The following SHOC2 variants were observed in gnomAD, a reference collection of about 807,000 sequenced individuals.
The protein encoded by SHOC2 is leucine-rich repeat protein SHOC-2.
In SHOC2, 4 loss-of-function variants were observed where a neutral mutation model predicts 50.2. The ratio of observed to expected loss-of-function variants is 0.08; its 90% CI spans 0.04 to 0.18. The LOEUF is 0.18. Ranked by LOEUF, SHOC2 falls within the 10% of genes least tolerant of loss-of-function variation. The pLI is 1.00. For missense variants in SHOC2, 388 were observed against 669.6 expected (o/e 0.58, Z 4.64); for synonymous variants, 218 against 244.5 (o/e 0.89, Z 1.01).
At chr10:110,962,945 CTAATT>C (rs1163319381) in intron 1 of SHOC2, among the ~76,000 whole-genome samples, 3 of 152,258 alleles carry the variant, frequency 2.0e-5, no homozygotes, top group African/African-American at 7.2e-5. Flanking sequence ...TTTTGGCTGT[CTAATT>C]AAACTACAAG....
At chr10:110,938,614 T>C (rs2134087472) in intron 1 of SHOC2, among the ~76,000 whole-genome samples, 1 of 152,358 alleles carries the variant, frequency 6.6e-6, no homozygotes, top group African/African-American at 2.4e-5. Context: ...AAATTTGGGA[T>C]ATCTTCTATG....
At chr10:110,937,420 A>G (rs1211081545) in intron 1 of SHOC2, among the ~76,000 whole-genome samples, 2 of 152,196 alleles carry the variant, frequency 1.3e-5, no homozygotes, top group Admixed American at 1.3e-4. Context: ...TGAAGATGCA[A>G]GCCATTTCCC....
At chr10:110,985,996 G>A (rs908491682) in intron 3 of SHOC2, 1 of 492,880 alleles carries the variant, frequency 2.0e-6, no homozygotes, top group Non-Finnish European at 3.7e-6. Context: ...AGAATATTGA[G>A]TTACATGTAT....
rs1847649128 is a variant in SHOC2 at position 110,965,145 on chromosome 10, ATACT to A, written c.703+86_703+89del. 5 of 1,186,684 alleles carry A rather than the reference ATACT, an allele frequency of 4.2e-6. No individual in the cohort carries two copies. The Admixed American group carries it at 9.9e-5, about 23-fold the overall frequency. 73.5% of individuals were successfully genotyped at this position (1,186,684 alleles called of 1,614,324 possible). ...GCTTTCTCATATCAAAAAATGCCTGATACTTGCCTAAAAACAGCTTATTTCTAAA... is the reference window on the plus strand; with the variant it reads ...GCTTTCTCATATCAAAAAATGCCTGATGCCTAAAAACAGCTTATTTCTAAA... On this transcript the variant is annotated intron_variant, in intron 2 of 8. Coordinates refer to ENST00000369452, the MANE Select transcript of SHOC2 (RefSeq NM_007373.4).
chr10:110,936,475 T>G lies in SHOC2; in HGVS notation c.-235+16818T>G, dbSNP rs571316734. The G allele has an allele frequency of 5.3e-6, 3 of 562,982 alleles. No individual in the cohort carries two copies. The East Asian group carries it at 9.2e-5, about 17-fold the overall frequency. 34.9% of individuals were successfully genotyped at this position (562,982 alleles called of 1,614,324 possible). A position where few individuals can be genotyped will look rare whatever the true frequency, so the allele number is the denominator to read the frequency against. On this transcript the variant is annotated intron_variant, in intron 1 of 8. Coordinates refer to ENST00000369452, the MANE Select transcript of SHOC2 (RefSeq NM_007373.4). ...AGATAGTAATGTTTTTTGCGTAGATTCTCAAAGGATTCTCTTTTTAAATCT... is the reference window on the plus strand; with the variant it reads ...AGATAGTAATGTTTTTTGCGTAGATGCTCAAAGGATTCTCTTTTTAAATCT...
chr10:110,999,804 A>G (rs1848336587), intron 3 of SHOC2, among the ~76,000 whole-genome samples: 1 of 151,652 alleles, frequency 6.6e-6, no homozygotes, highest in African/African-American at 2.4e-5. Context: ...TTATTCGATA[A>G]TGACTATTTT....
chr10:110,993,493 G>A (rs1848218856), intron 3 of SHOC2, among the ~76,000 whole-genome samples: 1 of 152,136 alleles, frequency 6.6e-6, no homozygotes, highest in Admixed American at 6.5e-5. Context: ...CTTTGCAAAT[G>A]TGAGATTTCT....
chr10:110,953,713 T>TAC (rs1175377964), intron 1 of SHOC2, among the ~76,000 whole-genome samples: 41 of 150,866 alleles, frequency 2.7e-4, no homozygotes, highest in South Asian at 2.5e-3. Flanking sequence ...GATATATATA[T>TAC]ACACACACAC....
At chr10:110,942,369 A>T (rs1374589396) in intron 1 of SHOC2, among the ~76,000 whole-genome samples, 2 of 152,146 alleles carry the variant, frequency 1.3e-5, no homozygotes, top group Admixed American at 1.3e-4. Context: ...TGTTTTTGAG[A>T]CAGGGTCTTG....
At chr10:110,947,712 G>A (rs555629988) in intron 1 of SHOC2, among the ~76,000 whole-genome samples, 1 of 150,296 alleles carries the variant, frequency 6.7e-6, no homozygotes, top group African/African-American at 2.4e-5. Context: ...TATACATTTC[G>A]TGGAGAAAAA....
At chr10:110,953,687 A>AAAT in intron 1 of SHOC2, among the ~76,000 whole-genome samples, 2 of 152,016 alleles carry the variant, frequency 1.3e-5, no homozygotes, top group Middle Eastern at 6.8e-3. Flanking sequence ...TAGTTACAGT[A>AAAT]AATCTTTGAG....
intron 4 of SHOC2, 121 bp from the exon 5 acceptor site, chr10:111,004,485 C>T: frequency 1.4e-6 from 1 of 715,670 alleles, no homozygotes; most frequent in Admixed American, 2.1e-5. Flanking sequence ...CTGCCCCAAC[C>T]AGTCTCTGTC....
chr10:110,983,132 A>G (rs1848013938), intron 2 of SHOC2, among the ~76,000 whole-genome samples: 1 of 152,046 alleles, frequency 6.6e-6, no homozygotes. Context: ...GATTTTTGTA[A>G]TATGTCCTTT....
At chr10:110,932,416 A>G (rs1370368234) in intron 1 of SHOC2, among the ~76,000 whole-genome samples, 1 of 152,218 alleles carries the variant, frequency 6.6e-6, no homozygotes, top group African/African-American at 2.4e-5. Flanking sequence ...GAAAGTGGAT[A>G]TGGTGAGACC....
At chr10:111,000,586 T>G (rs1848353768) in intron 4 of SHOC2, 41 bp downstream of exon 4, 1 of 1,553,992 alleles carries the variant, frequency 6.4e-7, no homozygotes, top group Non-Finnish European at 8.8e-7. Flanking sequence ...GAAATGAGTC[T>G]GCAAGATAAT....
intron 3 of SHOC2, among the ~76,000 whole-genome samples, chr10:110,987,372 A>G (rs926231036): frequency 2.0e-5 from 3 of 152,170 alleles, no homozygotes; most frequent in African/African-American, 7.2e-5. Flanking sequence ...ATACAGGACA[A>G]TTATTTACAG....
chr10:110,981,819 T>G (rs1045569310), intron 2 of SHOC2, among the ~76,000 whole-genome samples: 21 of 151,712 alleles, frequency 1.4e-4, no homozygotes, highest in African/African-American at 5.1e-4. Flanking sequence ...GTATAATCCC[T>G]TTTATATTGT....
At chr10:110,940,895 T>G in intron 1 of SHOC2, among the ~76,000 whole-genome samples, 2 of 148,488 alleles carry the variant, frequency 1.3e-5, no homozygotes, top group East Asian at 2.0e-4. Flanking sequence ...GACAAAATAG[T>G]GGTATTTGTG....
intron 3 of SHOC2, among the ~76,000 whole-genome samples, chr10:110,993,347 T>A (rs1268423152): frequency 6.6e-6 from 1 of 152,230 alleles, no homozygotes; most frequent in Admixed American, 6.5e-5. Flanking sequence ...AGACTTCTGA[T>A]GTTTTCTTCT....
Sources: allele counts gnomAD v4.1 joint callset (sites outside exome capture counted in the v4.1 genomes callset), GRCh38; gene constraint gnomAD v4.1.1; transcripts MANE v1.5; gene names NCBI Gene and HGNC (gene_info 2026-07-23, HGNC 2026-07-21).